The following PTPRK variants were observed in gnomAD, a reference collection of about 807,000 sequenced individuals.
The protein encoded by PTPRK is receptor-type tyrosine-protein phosphatase kappa.
A neutral mutation model predicts 178.0 loss-of-function variants in PTPRK; 75 were observed. The ratio of observed to expected loss-of-function variants is 0.42; its 90% CI spans 0.35 to 0.51. The LOEUF (loss-of-function observed/expected upper bound fraction) is 0.51, where lower values mean the gene tolerates loss of function less well. PTPRK is among the 20% of genes least tolerant of loss of function. PTPRK has a pLI of 0.02. For missense variants in PTPRK, 1,441 were observed against 1,797.8 expected (o/e 0.80, Z 3.59); for synonymous variants, 637 against 620.6 (o/e 1.03, Z -0.39).
At chr6:128,405,479 G>A (rs1480086832) in intron 1 of PTPRK, among the ~76,000 whole-genome samples, 1 of 151,938 alleles carries the variant, frequency 6.6e-6, no homozygotes, top group Non-Finnish European at 1.5e-5. Context: ...TTTTCACTTA[G>A]TGTTAGATAC....
At chr6:128,244,632 C>A (rs756543796) in intron 3 of PTPRK, among the ~76,000 whole-genome samples, 5 of 152,114 alleles carry the variant, frequency 3.3e-5, no homozygotes, top group Admixed American at 1.3e-4. Context: ...AAGGTGAGAG[C>A]GTCTCTGATG....
In PTPRK at chr6:128,317,964, A is replaced by G. The variant is rs117205478; in HGVS notation, c.495+4075T>C. Among the ~76,000 whole-genome samples, 935 of 152,314 alleles carry G rather than the reference A, an allele frequency of 6.1e-3. 6 individuals are homozygous for G. Among genetic ancestry groups the G allele is most frequent in the Non-Finnish European group, 9.5e-3 (643 of 68,030 alleles). On this transcript the variant is annotated intron_variant, in intron 3 of 29. Transcript: ENST00000368226. Reference sequence around the variant, plus strand: ...AACTAATAAATAGACAACAAACAATATCCACAACACTGCTATACAAGATCA... The same window carrying G: ...AACTAATAAATAGACAACAAACAATGTCCACAACACTGCTATACAAGATCA...
Position 128,491,858 on chromosome 6 carries a change from G to A in PTPRK, c.100+28401C>T, listed in dbSNP as rs117711154. ...GACCACAAGCACAGACACTGAAAAC[G>A]AAAGCGGCTTGGTAACTAACAGGCT... is the stretch of plus-strand genomic sequence containing the variant. On this transcript the variant is annotated intron_variant, in intron 1 of 29. Transcript: ENST00000368226. The A allele has an allele frequency of 3.2e-3, 1,600 of 506,842 alleles. 5 individuals carry two copies. Among genetic ancestry groups the A allele is most frequent in the Non-Finnish European group, 4.4e-3 (1,115 of 254,092 alleles). 31.4% of individuals were successfully genotyped at this position (506,842 alleles called of 1,614,324 possible). A position where few individuals can be genotyped will look rare whatever the true frequency, so the allele number is the denominator to read the frequency against.
intron 6 of PTPRK, among the ~76,000 whole-genome samples, chr6:128,213,616 G>C (rs1808660137): frequency 6.6e-6 from 1 of 151,952 alleles, no homozygotes; most frequent in Non-Finnish European, 1.5e-5. Context: ...ATGAATTCAT[G>C]AGCCTAAAAG....
At chr6:128,344,100 T>C (rs1415960785) in intron 2 of PTPRK, among the ~76,000 whole-genome samples, 1 of 152,250 alleles carries the variant, frequency 6.6e-6, no homozygotes. Context: ...TCCAAGCATT[T>C]GATAGAACGT....
At chr6:128,102,169 T>C (rs938323168) in intron 7 of PTPRK, among the ~76,000 whole-genome samples, 3 of 152,142 alleles carry the variant, frequency 2.0e-5, no homozygotes, top group African/African-American at 7.2e-5. Context: ...AAATATAGAA[T>C]AAACTCCAAG....
chr6:128,518,885 G>C (rs1858497330), intron 1 of PTPRK: 1 of 425,858 alleles, frequency 2.3e-6, no homozygotes, highest in African/African-American at 2.1e-5. Flanking sequence ...TTCTAAATGG[G>C]GCGGGGGTAG....
At chr6:128,318,424 T>G (rs1828335743) in intron 3 of PTPRK, among the ~76,000 whole-genome samples, 1 of 152,120 alleles carries the variant, frequency 6.6e-6, no homozygotes, top group Non-Finnish European at 1.5e-5. Flanking sequence ...ATTCTTACAT[T>G]TTTTTTCAAA....
At chr6:128,016,526 T>C (rs1779612353) in intron 13 of PTPRK, among the ~76,000 whole-genome samples, 1 of 151,912 alleles carries the variant, frequency 6.6e-6, no homozygotes, top group African/African-American at 2.4e-5. Flanking sequence ...CTCCAACTTT[T>C]TTCAGGTTAA....
chr6:128,103,441 C>T (rs1362547216), intron 7 of PTPRK, among the ~76,000 whole-genome samples: 2 of 152,118 alleles, frequency 1.3e-5, no homozygotes, highest in African/African-American at 2.4e-5. Flanking sequence ...GTAACATACC[C>T]ACTGGGGCTT....
At chr6:128,338,307 T>C (rs1831210397) in intron 2 of PTPRK, among the ~76,000 whole-genome samples, 2 of 152,062 alleles carry the variant, frequency 1.3e-5, no homozygotes, top group African/African-American at 4.8e-5. Flanking sequence ...AAGACCTATA[T>C]AGGAGGTAAA....
chr6:128,250,060 G>A (rs76107955), intron 3 of PTPRK, among the ~76,000 whole-genome samples: 3,505 of 152,176 alleles, frequency 0.023, 63 homozygotes, highest in Middle Eastern at 0.088. Context: ...TGAGGTTTCC[G>A]TTTTCGCTTG....
At chr6:128,250,035 G>A (rs186036695) in intron 3 of PTPRK, among the ~76,000 whole-genome samples, 175 of 152,198 alleles carry the variant, frequency 1.1e-3, no homozygotes, top group African/African-American at 3.8e-3. Flanking sequence ...GAGATCTGAT[G>A]GTTTTCAGGA....
chr6:128,484,756 C>G (rs548306227), intron 1 of PTPRK, among the ~76,000 whole-genome samples: 1 of 152,152 alleles, frequency 6.6e-6, no homozygotes, highest in South Asian at 2.1e-4. Context: ...AAAATTGCAC[C>G]AATTTATATT....
chr6:128,469,190 T>C (rs1219896735), intron 1 of PTPRK, among the ~76,000 whole-genome samples: 1 of 152,212 alleles, frequency 6.6e-6, no homozygotes, highest in East Asian at 1.9e-4. Flanking sequence ...TTATTTTATC[T>C]AGCTAGAAAG....
chr6:128,479,303 T>C (rs1451906232), intron 1 of PTPRK, among the ~76,000 whole-genome samples: 1 of 152,164 alleles, frequency 6.6e-6, no homozygotes, highest in South Asian at 2.1e-4. Flanking sequence ...GAAATGATTA[T>C]GACACTAAAA....
chr6:128,162,146 T>C (rs184486614), intron 7 of PTPRK, among the ~76,000 whole-genome samples: 57 of 151,724 alleles, frequency 3.8e-4, no homozygotes, highest in African/African-American at 1.3e-3. Context: ...AGGATACTAG[T>C]TTTGATGTTT....
At chr6:128,115,936 G>A (rs1357905086) in intron 7 of PTPRK, among the ~76,000 whole-genome samples, 2 of 151,822 alleles carry the variant, frequency 1.3e-5, no homozygotes, top group African/African-American at 2.4e-5. Context: ...CACACAGAGC[G>A]GTATACATTC....
intron 3 of PTPRK, among the ~76,000 whole-genome samples, chr6:128,309,106 GAAC>G (rs1207165125): frequency 2.6e-5 from 4 of 152,246 alleles, no homozygotes; most frequent in East Asian, 1.9e-4. Context: ...CCCTGCTAGA[GAAC>G]AACTTCTTAA....
Sources: gnomAD v4.1 joint callset for allele counts (sites outside exome capture counted in the v4.1 genomes callset) on GRCh38, gnomAD v4.1.1 for gene constraint, MANE v1.5 for transcripts, NCBI Gene and HGNC (gene_info 2026-07-23, HGNC 2026-07-21) for gene names.